KLHDC4: variants seen among roughly 807,000 people sequenced by gnomAD.
KLHDC4 encodes the protein kelch domain-containing protein 4.
In KLHDC4, 90 loss-of-function variants were observed where a neutral mutation model predicts 62.4. That is an observed-to-expected ratio of 1.44 (90% CI 1.22 to 1.72). The LOEUF (loss-of-function observed/expected upper bound fraction) is 1.72, where lower values mean the gene tolerates loss of function less well. Ranked by LOEUF, KLHDC4 falls within the 40% of genes most tolerant of loss-of-function variation. The probability of loss-of-function intolerance (pLI) is 0.00; values close to 1 mark genes in which losing one functional copy is unlikely to be tolerated. For synonymous variants in KLHDC4, 386 were observed against 284.4 expected, an observed-to-expected ratio of 1.36 and a Z score of -3.59; for missense variants, 1,025 against 699.7, an observed-to-expected ratio of 1.47 and a Z score of -5.25.
chr16:87,733,441 G>C (rs1443733919), intron 5 of KLHDC4, among the ~76,000 whole-genome samples: 1 of 152,212 alleles, frequency 6.6e-6, no homozygotes, highest in East Asian at 1.9e-4. Context: ...GAATGGCTTT[G>C]GGCTGCAACA....
intron 7 of KLHDC4, among the ~76,000 whole-genome samples, chr16:87,722,047 C>T (rs1371383602): frequency 6.6e-6 from 1 of 152,150 alleles, no homozygotes; most frequent in African/African-American, 2.4e-5. Flanking sequence ...CCCACGACAC[C>T]GGAAGCACAT....
chr16:87,733,742 TC>T (rs2040802942), intron 5 of KLHDC4, among the ~76,000 whole-genome samples: 3 of 139,042 alleles, frequency 2.2e-5, no homozygotes, highest in African/African-American at 8.8e-5. Context: ...ATGACCTGCC[TC>T]TCCTCCTACT....
At chr16:87,764,773 C>G (rs1309198982) in intron 1 of KLHDC4, among the ~76,000 whole-genome samples, 1 of 150,244 alleles carries the variant, frequency 6.7e-6, no homozygotes, top group Non-Finnish European at 1.5e-5. Flanking sequence ...GTGCCACAAC[C>G]CTAGCCAGCA....
intron 4 of KLHDC4, among the ~76,000 whole-genome samples, chr16:87,751,120 T>TA (rs1288126894): frequency 2.6e-5 from 4 of 152,084 alleles, no homozygotes; most frequent in Admixed American, 6.6e-5. Context: ...ACATCAACGG[T>TA]AAAAAACACT....
At chr16:87,734,506 C>T (rs1597608982) in intron 5 of KLHDC4, among the ~76,000 whole-genome samples, 1 of 152,206 alleles carries the variant, frequency 6.6e-6, no homozygotes, top group African/African-American at 2.4e-5. Context: ...ATTCGGTTCT[C>T]ACTGCTCAAA....
At chr16:87,744,922 G>C (rs2042807262) in intron 5 of KLHDC4, among the ~76,000 whole-genome samples, 1 of 152,112 alleles carries the variant, frequency 6.6e-6, no homozygotes, top group Non-Finnish European at 1.5e-5. Flanking sequence ...TGCATACACA[G>C]GCATAGACAG....
intron 2 of KLHDC4, 68 bp from the exon 3 acceptor site, chr16:87,756,545 C>T: frequency 8.9e-7 from 1 of 1,119,120 alleles, no homozygotes; most frequent in East Asian, 2.4e-5. Flanking sequence ...TGTCCCCTTC[C>T]TCACAGAATC....
intron 7 of KLHDC4, among the ~76,000 whole-genome samples, chr16:87,720,691 C>A (rs376546289): frequency 2.6e-5 from 4 of 152,232 alleles, no homozygotes; most frequent in Admixed American, 2.6e-4. Context: ...CCCCTCCAGG[C>A]AGAGCTGCTG....
exon 1 of KLHDC4, chr16:87,701,336 G>A (rs1216805108): frequency 3.5e-6 from 1 of 283,468 alleles, no homozygotes; most frequent in East Asian, 8.5e-5. Flanking sequence ...CTCAGGAACA[G>A]GTGAAGCCAT....
At chr16:87,760,668 C>T (rs2045743599) in intron 2 of KLHDC4, among the ~76,000 whole-genome samples, 1 of 149,574 alleles carries the variant, frequency 6.7e-6, no homozygotes, top group Non-Finnish European at 1.5e-5. Flanking sequence ...TTCAAAGTGG[C>T]TTTCCTCAGG....
intron 5 of KLHDC4, among the ~76,000 whole-genome samples, chr16:87,732,097 C>CTTTT (rs61370494): frequency 7.6e-6 from 1 of 132,242 alleles, no homozygotes. Flanking sequence ...GTGCATATTT[C>CTTTT]TTTTTTTTTT....
chr16:87,749,945 G>C (rs1026586165), intron 4 of KLHDC4, among the ~76,000 whole-genome samples: 1 of 152,220 alleles, frequency 6.6e-6, no homozygotes, highest in African/African-American at 2.4e-5. Flanking sequence ...CGCAGCGGGA[G>C]TGATGCCCTC....
At chr16:87,758,758 G>C (rs753627899) in intron 2 of KLHDC4, among the ~76,000 whole-genome samples, 2 of 152,240 alleles carry the variant, frequency 1.3e-5, no homozygotes, top group Non-Finnish European at 2.9e-5. Flanking sequence ...TGGGCCACCA[G>C]TTAGACAAGG....
rs556038073 is a variant in KLHDC4 at position 87,708,018 on chromosome 16, C to A, written c.*59G>T. ...GCCCCAAGAGCTTCACTCAACACGG[C>A]TGGGTCCTGGGCGGACGTGGGCACA... On this transcript the variant is annotated 3_prime_UTR_variant, in exon 12 of 12. Transcript: ENST00000270583. 2.6e-4 allele frequency: 132 copies of A among 499,094 alleles called. No homozygotes were observed. The highest frequency in any genetic ancestry group is 9.0e-4 in the Middle Eastern group (3 of 3,340). The allele number at this position is 499,094 out of a possible 1,614,324, so 30.9% of individuals were successfully genotyped here. A position where few individuals can be genotyped will look rare whatever the true frequency, so the allele number is the denominator to read the frequency against.
At chr16:87,708,511 G>T (rs765256942) in intron 10 of KLHDC4, 45 bp from the exon 11 acceptor site, 1 of 1,474,460 alleles carries the variant, frequency 6.8e-7, no homozygotes, top group Non-Finnish European at 9.2e-7. Flanking sequence ...CGCAGCTGAG[G>T]CAGGTGGGGG....
intron 7 of KLHDC4, among the ~76,000 whole-genome samples, chr16:87,722,963 G>C (rs1478487441): frequency 6.6e-6 from 1 of 152,240 alleles, no homozygotes; most frequent in African/African-American, 2.4e-5. Flanking sequence ...GCGTGGGAGA[G>C]AGGCGTGTGC....
rs182689165 is a variant in KLHDC4, at chr16:87,709,367, C to T, written c.1345G>A (p.Gly449Ser). ...TGGCGGTCGCCGGCCTCAAACATGCCCCCATAGACGTAGAGCACCCCATGC... is the reference window on the plus strand; with the variant it reads ...TGGCGGTCGCCGGCCTCAAACATGCTCCCATAGACGTAGAGCACCCCATGC... Reference protein sequence around the residue: ...VKHGVLYVYGGMFEAGDRQVT... With the variant: ...VKHGVLYVYGSMFEAGDRQVT... Residue 449 changes from glycine (G) to serine (S), a missense_variant, in exon 10 of 12, where the codon GGC (glycine) becomes AGC (serine). By Grantham distance (56) the Gly-to-Ser change is moderately conservative (BLOSUM62 0). Coordinates refer to ENST00000270583, the MANE Select transcript of KLHDC4 (RefSeq NM_017566.4). 164 of 1,613,504 alleles carry T rather than the reference C, an allele frequency of 1.0e-4. 2 individuals carry two copies. In the Admixed American group the frequency reaches 2.7e-3, roughly 26 times the overall value.
At chr16:87,764,223 A>T (rs2046280331) in intron 1 of KLHDC4, among the ~76,000 whole-genome samples, 1 of 152,166 alleles carries the variant, frequency 6.6e-6, no homozygotes, top group African/African-American at 2.4e-5. Context: ...ACTTATTTTA[A>T]AAGTTTGTTT....
chr16:87,709,549 A>AC lies in KLHDC4; in HGVS notation c.1162dup (p.Val388GlyfsTer12). The AC allele has an allele frequency of 1.2e-6, 2 of 1,612,310 alleles. No individual in the cohort carries two copies. Among genetic ancestry groups the AC allele is most frequent in the Non-Finnish European group, 1.7e-6 (2 of 1,179,876 alleles). ...GACCACGGTGCCATCCTCGGCCACC[A>AC]CCTCCTTGACCAGCTGCACAGGCCC... On this transcript the variant is annotated frameshift_variant, in exon 10 of 12. Transcript: ENST00000270583. LOFTEE classifies it high-confidence loss of function.
Sources: gnomAD v4.1 joint callset for allele counts (sites outside exome capture counted in the v4.1 genomes callset) on GRCh38, gnomAD v4.1.1 for gene constraint, MANE v1.5 for transcripts, NCBI Gene and HGNC (gene_info 2026-07-23, HGNC 2026-07-21) for gene names.